NPSR1: variants seen among roughly 807,000 people sequenced by gnomAD.
NPSR1 encodes the protein neuropeptide S receptor 1.
NPSR1 carries 48 observed loss-of-function variants against 46.9 expected under a neutral mutation model. The observed-to-expected ratio is 1.02, with a 90% CI of 0.81 to 1.30. NPSR1 has a LOEUF of 1.30. Among genes scored for constraint, NPSR1 ranks in the 50% most tolerant of loss-of-function variants. NPSR1 has a pLI of 0.00. For missense variants in NPSR1, 450 were observed against 449.5 expected, an observed-to-expected ratio of 1.00 and a Z score of -0.01; for synonymous variants, 176 against 168.1, an observed-to-expected ratio of 1.05 and a Z score of -0.36.
At chr7:34,873,000 C>T (rs1791493726) in intron 8 of NPSR1, among the ~76,000 whole-genome samples, 1 of 150,456 alleles carries the variant, frequency 6.6e-6, no homozygotes, top group African/African-American at 2.5e-5. Flanking sequence ...TTCTTGAACA[C>T]TTTGCTGCTT....
intron 2 of NPSR1, chr7:34,751,392 G>T: frequency 9.7e-7 from 1 of 1,028,110 alleles, no homozygotes; most frequent in Admixed American, 1.7e-5. Flanking sequence ...CTGAGTTGTT[G>T]TAGACTTTAA....
intron 1 of NPSR1, among the ~76,000 whole-genome samples, chr7:34,680,566 C>T (rs894117980): frequency 5.3e-5 from 8 of 152,074 alleles, no homozygotes; most frequent in Non-Finnish European, 4.4e-5. Flanking sequence ...AAAAAAAGTA[C>T]GGTACCCTAT....
At chr7:34,737,219 T>C (rs1244763755) in intron 2 of NPSR1, among the ~76,000 whole-genome samples, 1 of 152,156 alleles carries the variant, frequency 6.6e-6, no homozygotes, top group African/African-American at 2.4e-5. Flanking sequence ...TCTTCTCATG[T>C]TTTAGACACC....
In NPSR1 at chr7:34,792,720, T is replaced by TATAC. The variant is rs1279068069; in HGVS notation, c.384+14158_384+14159insCATA. On this transcript the variant is annotated intron_variant, in intron 3 of 8. Transcript: ENST00000360581. ...ATATACGTATATATATATATTTATA[T>TATAC]ATATATATATATATTAGCCAGGCAT... Among the ~76,000 whole-genome samples, 142 of 131,756 alleles carry TATAC rather than the reference T, an allele frequency of 1.1e-3. 1 individual carries two copies. The highest frequency in any genetic ancestry group is 3.9e-3 in the African/African-American group (139 of 35,834). 86.4% of individuals were successfully genotyped at this position (131,756 alleles called of 152,430 possible).
chr7:34,749,575 A>T (rs1427696628), intron 2 of NPSR1, among the ~76,000 whole-genome samples: 1 of 152,228 alleles, frequency 6.6e-6, no homozygotes, highest in Admixed American at 6.5e-5. Flanking sequence ...TAATGACTAT[A>T]TCATAGGCCA....
chr7:34,734,494 G>GA (rs949005826), intron 2 of NPSR1, among the ~76,000 whole-genome samples: 53 of 151,690 alleles, frequency 3.5e-4, no homozygotes, highest in African/African-American at 1.1e-3. Context: ...TTCAAGCTTT[G>GA]AAAAAAAACA....
At chr7:34,843,512 C>T (rs943767509) in intron 6 of NPSR1, among the ~76,000 whole-genome samples, 6 of 152,216 alleles carry the variant, frequency 3.9e-5, no homozygotes, top group African/African-American at 1.2e-4. Context: ...TGAGTTTTCG[C>T]AGGGACATTC....
intron 2 of NPSR1, among the ~76,000 whole-genome samples, chr7:34,765,345 T>C (rs1351053648): frequency 6.6e-6 from 1 of 152,166 alleles, no homozygotes; most frequent in African/African-American, 2.4e-5. Context: ...GTTGGAGCTA[T>C]TAGACACGGA....
At chr7:34,858,759 A>G (rs1791114965) in intron 8 of NPSR1, among the ~76,000 whole-genome samples, 2 of 151,860 alleles carry the variant, frequency 1.3e-5, no homozygotes, top group Admixed American at 1.3e-4. Flanking sequence ...CCCATTCACT[A>G]TCACAAGAAC....
chr7:34,667,885 C>T (rs1387358774), intron 1 of NPSR1, among the ~76,000 whole-genome samples: 2 of 152,018 alleles, frequency 1.3e-5, no homozygotes, highest in African/African-American at 4.8e-5. Flanking sequence ...GAACTTCTTT[C>T]TTCAATAAAC....
At chr7:34,713,436 A>T (rs950831314) in intron 2 of NPSR1, among the ~76,000 whole-genome samples, 22 of 152,088 alleles carry the variant, frequency 1.4e-4, no homozygotes, top group African/African-American at 4.8e-4. Flanking sequence ...GCCATCAGTA[A>T]TCTCACTGAA....
intron 3 of NPSR1, among the ~76,000 whole-genome samples, chr7:34,804,757 T>C (rs1312617717): frequency 6.6e-6 from 1 of 151,932 alleles, no homozygotes; most frequent in East Asian, 1.9e-4. Context: ...AAATTTGTAA[T>C]TTTCTATATT....
chr7:34,838,554 T>C (rs1002840789), intron 6 of NPSR1, among the ~76,000 whole-genome samples: 2 of 152,112 alleles, frequency 1.3e-5, no homozygotes, highest in Non-Finnish European at 2.9e-5. Flanking sequence ...ATGCCAGGAT[T>C]ATTGCTCATC....
rs376420280 is a variant in NPSR1 at position 34,663,041 on chromosome 7, T to TTCTCTCTCTCTCTCTCTCTCTCTCTC, written c.147+4484_147+4509dup. ...CAGGGGCAGTGCTTCTGTAGTGCAT[T>TTCTCTCTCTCTCTCTCTCTCTCTCTC]TCTCTCTCTCTCTCTCTCTCTCTCT... On this transcript the variant is annotated intron_variant, in intron 1 of 8. Coordinates refer to ENST00000360581, the MANE Select transcript of NPSR1 (RefSeq NM_207172.2). Among the ~76,000 whole-genome samples the TTCTCTCTCTCTCTCTCTCTCTCTCTC allele has an allele frequency of 1.8e-3, 192 of 108,328 alleles. 4 individuals are homozygous for TTCTCTCTCTCTCTCTCTCTCTCTCTC. The highest frequency in any genetic ancestry group is 3.0e-3 in the Admixed American group (32 of 10,534). 71.1% of individuals were successfully genotyped at this position (108,328 alleles called of 152,430 possible).
chr7:34,679,814 C>T (rs1792524964), intron 1 of NPSR1, among the ~76,000 whole-genome samples: 1 of 152,026 alleles, frequency 6.6e-6, no homozygotes, highest in East Asian at 1.9e-4. Flanking sequence ...GTATAGAAAT[C>T]ATTTAAATAA....
At chr7:34,828,505 G>T (rs1195799815) in intron 5 of NPSR1, among the ~76,000 whole-genome samples, 1 of 152,238 alleles carries the variant, frequency 6.6e-6, no homozygotes, top group African/African-American at 2.4e-5. Flanking sequence ...AATGGGCTCT[G>T]CATGTGTAGA....
At position 34,873,886 on chromosome 7, in the gene NPSR1, C is replaced by T. The variant is rs554543219; in HGVS notation, c.1026-4190C>T. On this transcript the variant is annotated intron_variant, in intron 8 of 8. Coordinates refer to the NPSR1 transcript ENST00000359791. Reference sequence around the variant, plus strand: ...CGGCAGGAAGCAGTGCAGAACAAAGCAGGCTCCTCATCATTCAACCTCCCC... The same window carrying T: ...CGGCAGGAAGCAGTGCAGAACAAAGTAGGCTCCTCATCATTCAACCTCCCC... Among the ~76,000 whole-genome samples, 6 of 151,732 alleles carry T rather than the reference C, an allele frequency of 4.0e-5. No individual in the cohort carries two copies. The East Asian group carries it at 1.2e-3, about 29-fold the overall frequency.
intron 2 of NPSR1, among the ~76,000 whole-genome samples, chr7:34,710,518 A>G (rs1313866851): frequency 6.6e-6 from 1 of 152,216 alleles, no homozygotes; most frequent in Non-Finnish European, 1.5e-5. Context: ...GAATAGATGA[A>G]TCTTAAATGA....
At chr7:34,850,690 G>A (rs571907949), downstream of NPSR1, among the ~76,000 whole-genome samples, 105 of 152,174 alleles carry the variant, frequency 6.9e-4, 2 homozygotes, top group African/African-American at 1.2e-3. Context: ...ATGAGCCACC[G>A]CGCCCGGCCT....
Sources: gnomAD v4.1 joint callset for allele counts (sites outside exome capture counted in the v4.1 genomes callset) on GRCh38, gnomAD v4.1.1 for gene constraint, MANE v1.5 for transcripts, NCBI Gene and HGNC (gene_info 2026-07-23, HGNC 2026-07-21) for gene names.